The following TAF3 variants were observed in gnomAD, a reference collection of about 807,000 sequenced individuals.
TAF3 encodes the protein transcription initiation factor TFIID subunit 3.
A neutral mutation model predicts 80.6 loss-of-function variants in TAF3; 7 were observed. The observed-to-expected ratio is 0.09, with a 90% confidence interval of 0.05 to 0.16. The LOEUF (loss-of-function observed/expected upper bound fraction) is 0.16. TAF3 is among the 10% of genes least tolerant of loss of function. The probability of loss-of-function intolerance (pLI) is 1.00; values close to 1 mark genes in which losing one functional copy is unlikely to be tolerated. For missense variants in TAF3, 921 were observed against 1,140.2 expected, an observed-to-expected ratio of 0.81 and a Z score of 2.77; for synonymous variants, 444 against 446.1, an observed-to-expected ratio of 1.00 and a Z score of 0.06.
At chr10:7,838,538 C>T (rs146101962) in intron 2 of TAF3, among the ~76,000 whole-genome samples, 1,610 of 152,188 alleles carry the variant, frequency 0.011, 26 homozygotes, top group African/African-American at 0.037. Context: ...TGCACCACCA[C>T]GCCTGGCTAA....
chr10:8,008,528 ACTTTTT>A (rs1832018945), intron 4 of TAF3, among the ~76,000 whole-genome samples: 1 of 152,168 alleles, frequency 6.6e-6, no homozygotes. Context: ...AGAAATAGAA[ACTTTTT>A]CTTTTTAAGC....
At chr10:7,827,732 A>T (rs1836756655) in intron 2 of TAF3, among the ~76,000 whole-genome samples, 1 of 149,446 alleles carries the variant, frequency 6.7e-6, no homozygotes, top group Admixed American at 6.7e-5. Context: ...GTGAGCCGAG[A>T]TTGTGCCACT....
chr10:7,962,719 G>A (rs1005742655), intron 2 of TAF3, among the ~76,000 whole-genome samples: 6 of 152,214 alleles, frequency 3.9e-5, no homozygotes, highest in African/African-American at 1.4e-4. Flanking sequence ...GATTGACCTC[G>A]CTGAGATCTG....
chr10:8,014,117 C>T (rs1463710912), intron 6 of TAF3, among the ~76,000 whole-genome samples: 1 of 152,158 alleles, frequency 6.6e-6, no homozygotes, highest in East Asian at 1.9e-4. Context: ...AGGGGCTTCC[C>T]TGGCCTTCCT....
At position 8,009,151 on chromosome 10, in the gene TAF3, C is replaced by G. The variant is rs1366351364; in HGVS notation, c.2389C>G (p.Pro797Ala). The G allele has an allele frequency of 6.3e-7, 1 of 1,578,558 alleles. No individual in the cohort carries two copies. Among genetic ancestry groups the G allele is most frequent in the Non-Finnish European group, 8.6e-7 (1 of 1,163,080 alleles). ...PSQNRPKTPP[P>A]APAPAPGPML... Reference sequence around the variant, plus strand: ...GCAGAACAGGCCGAAGACCCCACCGCCGGCCCCCGCGCCCGCCCCCGGCCC... The same window carrying G: ...GCAGAACAGGCCGAAGACCCCACCGGCGGCCCCCGCGCCCGCCCCCGGCCC... Residue 797 changes from proline to alanine, a missense_variant, in exon 5 of 7, where the codon CCG becomes GCG. By Grantham distance (27) the Pro-to-Ala change is conservative. This residue lies in a region of TAF3 where 743 missense variants were observed against 821.0 expected (regional missense o/e 0.90). Coordinates refer to ENST00000344293, the MANE Select transcript of TAF3 (RefSeq NM_031923.4). This position sits in a 1 kb window ranked among gnomAD's most constrained non-coding sequence, Gnocchi z 4.1.
chr10:7,949,747 C>T (rs1223164266), intron 2 of TAF3, among the ~76,000 whole-genome samples: 1 of 118,606 alleles, frequency 8.4e-6, no homozygotes, highest in Non-Finnish European at 1.9e-5. Flanking sequence ...GCAATTCTTT[C>T]TTCTATAAAA....
chr10:7,900,424 A>C (rs1219004646), intron 2 of TAF3, among the ~76,000 whole-genome samples: 1 of 152,204 alleles, frequency 6.6e-6, no homozygotes, highest in East Asian at 1.9e-4. Flanking sequence ...TGGAGATAAA[A>C]TGGGTGACAG....
At chr10:7,968,753 C>A in intron 3 of TAF3, among the ~76,000 whole-genome samples, 1 of 152,148 alleles carries the variant, frequency 6.6e-6, no homozygotes, top group Non-Finnish European at 1.5e-5. Flanking sequence ...GCCAAAATTT[C>A]AATCCAGGCT....
intron 2 of TAF3, among the ~76,000 whole-genome samples, chr10:7,915,642 CA>C (rs546868294): frequency 0.038 from 2,973 of 78,004 alleles, 108 homozygotes; most frequent in African/African-American, 0.14. Context: ...AACTCCGTCT[CA>C]AAAAAAAAAA....
At chr10:7,900,910 G>A (rs929459204) in intron 2 of TAF3, among the ~76,000 whole-genome samples, 21 of 152,110 alleles carry the variant, frequency 1.4e-4, no homozygotes, top group Admixed American at 5.2e-4. Flanking sequence ...AACAATTCAC[G>A]TTTAGGATAC....
At chr10:8,007,884 G>A (rs1024350363) in intron 4 of TAF3, among the ~76,000 whole-genome samples, 12 of 151,854 alleles carry the variant, frequency 7.9e-5, no homozygotes, top group Admixed American at 6.6e-5. Flanking sequence ...CACAGGTCTA[G>A]TCTCTGGCGG....
At chr10:7,865,337 G>A (rs1837200319) in intron 2 of TAF3, among the ~76,000 whole-genome samples, 1 of 152,160 alleles carries the variant, frequency 6.6e-6, no homozygotes, top group Non-Finnish European at 1.5e-5. Context: ...AAATTAGCCA[G>A]GTATGGTGGC....
chr10:8,001,493 C>T (rs35222561), intron 4 of TAF3, among the ~76,000 whole-genome samples: 10 of 152,078 alleles, frequency 6.6e-5, no homozygotes, highest in African/African-American at 2.2e-4. Context: ...TATAAGAAGG[C>T]GTAATGCTTT....
intron 2 of TAF3, among the ~76,000 whole-genome samples, chr10:7,832,637 A>C (rs1364201000): frequency 6.6e-6 from 1 of 152,070 alleles, no homozygotes; most frequent in African/African-American, 2.4e-5. Flanking sequence ...TCCATCTCCT[A>C]GGTTCAAGTT....
At chr10:7,845,729 C>T (rs569729749) in intron 2 of TAF3, among the ~76,000 whole-genome samples, 1 of 152,258 alleles carries the variant, frequency 6.6e-6, no homozygotes, top group South Asian at 2.1e-4. Context: ...ATCTCAGCAT[C>T]ATTTTCAATT....
At chr10:7,935,571 G>C (rs1209370356) in intron 2 of TAF3, among the ~76,000 whole-genome samples, 2 of 152,200 alleles carry the variant, frequency 1.3e-5, no homozygotes, top group African/African-American at 2.4e-5. Context: ...GTGACAGAGA[G>C]AGACAACGTC....
chr10:7,853,338 T>C (rs983221981), intron 2 of TAF3, among the ~76,000 whole-genome samples: 8 of 152,192 alleles, frequency 5.3e-5, no homozygotes, highest in African/African-American at 1.9e-4. Context: ...GGGCATTACA[T>C]TGGCGGCTTG....
At chr10:7,912,749 A>G (rs1156703800) in intron 2 of TAF3, among the ~76,000 whole-genome samples, 2 of 152,192 alleles carry the variant, frequency 1.3e-5, no homozygotes, top group African/African-American at 2.4e-5. Context: ...ATCCAGTTCA[A>G]TGGTTCATTG....
intron 2 of TAF3, among the ~76,000 whole-genome samples, chr10:7,938,467 C>T (rs1394172240): frequency 6.6e-6 from 1 of 152,094 alleles, no homozygotes; most frequent in Non-Finnish European, 1.5e-5. Context: ...ATGAATAATA[C>T]TTGTTTAGTG....
Sources: allele counts gnomAD v4.1 joint callset (sites outside exome capture counted in the v4.1 genomes callset), GRCh38; gene constraint gnomAD v4.1.1; regional missense constraint gnomAD v4.1.1; non-coding constraint Gnocchi (gnomAD v3.1); transcripts MANE v1.5; gene names NCBI Gene and HGNC (gene_info 2026-07-23, HGNC 2026-07-21).